COL5A2: variants seen among roughly 807,000 people sequenced by gnomAD.
COL5A2 encodes collagen type V alpha 2 chain, also known as collagen alpha-2(V) chain.
A neutral mutation model predicts 208.2 loss-of-function variants in COL5A2; 23 were observed. The ratio of observed to expected loss-of-function variants is 0.11; its 90% confidence interval spans 0.08 to 0.16. The LOEUF is 0.16. COL5A2 is among the 10% of genes least tolerant of loss of function. The pLI is 1.00. For missense variants in COL5A2, 1,590 were observed against 1,956.4 expected, an observed-to-expected ratio of 0.81 and a Z score of 3.53; for synonymous variants, 625 against 628.5, an observed-to-expected ratio of 0.99 and a Z score of 0.08.
the COL5A2 span, among the ~76,000 whole-genome samples, chr2:189,321,943 C>A: frequency 6.6e-6 from 1 of 152,208 alleles, no homozygotes; most frequent in Non-Finnish European, 1.5e-5. Flanking sequence ...CACTCCTCAG[C>A]AAATGTAAAA....
At chr2:189,376,600 T>C in the COL5A2 span, among the ~76,000 whole-genome samples, 2 of 152,224 alleles carry the variant, frequency 1.3e-5, no homozygotes, top group African/African-American at 2.4e-5. Flanking sequence ...TCTTTAACTG[T>C]TGGCACAGGA....
At chr2:189,413,091 C>G in the COL5A2 span, among the ~76,000 whole-genome samples, 1 of 152,070 alleles carries the variant, frequency 6.6e-6, no homozygotes, top group South Asian at 2.1e-4. Flanking sequence ...AGAATAATTT[C>G]TATAGTGAAG....
At chr2:189,421,070 G>A in the COL5A2 span, among the ~76,000 whole-genome samples, 1 of 152,116 alleles carries the variant, frequency 6.6e-6, no homozygotes. Context: ...AGAGTTGTAT[G>A]AGCTCACTAA....
intron 1 of COL5A2, among the ~76,000 whole-genome samples, chr2:189,178,105 C>T (rs933826634): frequency 5.3e-5 from 8 of 152,074 alleles, no homozygotes; most frequent in African/African-American, 1.9e-4. Flanking sequence ...CCAAACAACA[C>T]ATGCTTTTCA....
chr2:189,437,744 A>G, the COL5A2 span, among the ~76,000 whole-genome samples: 1 of 152,206 alleles, frequency 6.6e-6, no homozygotes, highest in Non-Finnish European at 1.5e-5. Context: ...TTGCACCATC[A>G]TTAGGGAATG....
At chr2:189,268,483 C>T in the COL5A2 span, among the ~76,000 whole-genome samples, 1 of 152,052 alleles carries the variant, frequency 6.6e-6, no homozygotes, top group African/African-American at 2.4e-5. Flanking sequence ...GACAAACACC[C>T]TACATCTGAG....
chr2:189,419,406 A>C, the COL5A2 span, among the ~76,000 whole-genome samples: 1 of 152,222 alleles, frequency 6.6e-6, no homozygotes, highest in African/African-American at 2.4e-5. Context: ...CAAGATGTTA[A>C]AATTCATCAC....
chr2:189,052,089 TA>T, intron 41 of COL5A2, 82 bp downstream of exon 41: 1 of 1,153,558 alleles, frequency 8.7e-7, no homozygotes, highest in Non-Finnish European at 1.2e-6. Context: ...AGAAATTAAA[TA>T]AAATAATAAA....
chr2:189,189,673 T>C (rs1559141708), intron 1 of COL5A2, among the ~76,000 whole-genome samples: 1 of 99,768 alleles, frequency 1.0e-5, no homozygotes, highest in Non-Finnish European at 2.4e-5. Flanking sequence ...GGAAAATATG[T>C]ATGTGTGCAT....
intron 1 of COL5A2, among the ~76,000 whole-genome samples, chr2:189,111,874 TTC>T (rs1295346197): frequency 1.1e-3 from 171 of 152,138 alleles, no homozygotes; most frequent in African/African-American, 3.8e-3. Flanking sequence ...TTTTTTTTTT[TTC>T]TTTTTTAAAA....
At chr2:189,044,155 C>T (rs1051954410) in intron 47 of COL5A2, among the ~76,000 whole-genome samples, 1 of 151,964 alleles carries the variant, frequency 6.6e-6, no homozygotes, top group South Asian at 2.1e-4. Context: ...TAACTGAATC[C>T]CTATTTATCT....
At chr2:189,043,090 T>C (rs1372872095) in intron 48 of COL5A2, 61 bp downstream of exon 48, 2 of 1,190,632 alleles carry the variant, frequency 1.7e-6, no homozygotes, top group African/African-American at 3.0e-5. Flanking sequence ...TAAATGTTCG[T>C]GTCAAGATAC....
At chr2:189,439,913 A>C in the COL5A2 span, among the ~76,000 whole-genome samples, 1 of 152,220 alleles carries the variant, frequency 6.6e-6, no homozygotes, top group Non-Finnish European at 1.5e-5. Flanking sequence ...GTACCCAACA[A>C]AGTCTTTAAA....
the COL5A2 span, among the ~76,000 whole-genome samples, chr2:189,266,075 G>C: frequency 6.6e-6 from 1 of 152,104 alleles, no homozygotes; most frequent in African/African-American, 2.4e-5. Context: ...ATCAACTGAT[G>C]AGTGGATAAA....
At chr2:189,272,066 G>A in the COL5A2 span, among the ~76,000 whole-genome samples, 7 of 152,132 alleles carry the variant, frequency 4.6e-5, no homozygotes, top group African/African-American at 1.7e-4. Flanking sequence ...GTTGGTGGGA[G>A]TGTAAATTAG....
At chr2:189,260,564 A>AG in the COL5A2 span, among the ~76,000 whole-genome samples, 3 of 152,290 alleles carry the variant, frequency 2.0e-5, no homozygotes, top group African/African-American at 7.2e-5. Context: ...TGAGGTGATG[A>AG]GGTTGATGTA....
chr2:189,333,846 G>C, the COL5A2 span, among the ~76,000 whole-genome samples: 2 of 151,592 alleles, frequency 1.3e-5, no homozygotes, highest in Non-Finnish European at 2.9e-5. Context: ...AATTTCCATT[G>C]TTTAAGCCAC....
At chr2:189,125,437 A>G (rs1022815550) in intron 1 of COL5A2, among the ~76,000 whole-genome samples, 1 of 152,226 alleles carries the variant, frequency 6.6e-6, no homozygotes, top group Non-Finnish European at 1.5e-5. Context: ...ATCTTGAGCA[A>G]CACAGGTTTG....
intron 1 of COL5A2, among the ~76,000 whole-genome samples, chr2:189,135,165 G>A (rs748262006): frequency 3.3e-5 from 5 of 152,048 alleles, no homozygotes; most frequent in Admixed American, 6.6e-5. Flanking sequence ...AAAATGACTG[G>A]CTTAATTTAA....
Sources: allele counts gnomAD v4.1 joint callset (sites outside exome capture counted in the v4.1 genomes callset), GRCh38; gene constraint gnomAD v4.1.1; transcripts MANE v1.5; gene names NCBI Gene and HGNC (gene_info 2026-07-23, HGNC 2026-07-21).